The following SETD7 variants were observed in gnomAD, a reference collection of about 807,000 sequenced individuals.
SETD7 encodes the protein SET domain containing 7, histone lysine methyltransferase, also known as histone-lysine N-methyltransferase SETD7.
Under a neutral mutation model 41.8 loss-of-function variants are expected in SETD7, and 16 were observed. That is an observed-to-expected ratio of 0.38 (90% CI 0.26 to 0.58). The LOEUF is 0.58. Among genes scored for constraint, SETD7 ranks in the 20% least tolerant of loss-of-function variants. The pLI is 0.64. For synonymous variants in SETD7, 163 were observed against 169.7 expected, an observed-to-expected ratio of 0.96 and a Z score of 0.31; for missense variants, 346 against 459.7, an observed-to-expected ratio of 0.75 and a Z score of 2.26.
At chr4:139,542,611 A>G (rs1379314584) in intron 2 of SETD7, among the ~76,000 whole-genome samples, 3 of 152,054 alleles carry the variant, frequency 2.0e-5, no homozygotes, top group Non-Finnish European at 4.4e-5. Flanking sequence ...TTCTCTGCCA[A>G]TAGTAATTAC....
At chr4:139,496,333 C>A (rs1212451285) in exon 8 of SETD7, 1 of 700,326 alleles carries the variant, frequency 1.4e-6, no homozygotes, top group South Asian at 1.5e-5. Context: ...AGAGTTCATT[C>A]CATTCGCTTT....
rs1375691106 is a variant in SETD7 at position 139,510,412 on chromosome 4, G to C, written c.*1251C>G. ...TAATTAGCTAAACTAAAAAAACAGGGGTTTTCTCCTTATTTCTGCAGTTGT... is the reference window on the plus strand; with the variant it reads ...TAATTAGCTAAACTAAAAAAACAGGCGTTTTCTCCTTATTTCTGCAGTTGT... On this transcript the variant is annotated 3_prime_UTR_variant, in exon 8 of 8. Coordinates refer to ENST00000274031, the MANE Select transcript of SETD7 (RefSeq NM_030648.4). 6.6e-6 allele frequency: 1 copy of C among 152,114 alleles called. No homozygotes were observed. Among genetic ancestry groups the C allele is most frequent in the African/African-American group, 2.4e-5 (1 of 41,416 alleles). 9.4% of individuals were successfully genotyped at this position (152,114 alleles called of 1,614,324 possible).
At chr4:139,493,665 G>A (rs1174066747), downstream of SETD7, among the ~76,000 whole-genome samples, 6 of 151,410 alleles carry the variant, frequency 4.0e-5, no homozygotes, top group East Asian at 1.9e-4. Context: ...TCAGCCTCTC[G>A]AGTAGCTGGG....
chr4:139,530,671 C>T (rs1232688116), intron 3 of SETD7, among the ~76,000 whole-genome samples: 1 of 152,148 alleles, frequency 6.6e-6, no homozygotes, highest in Non-Finnish European at 1.5e-5. Flanking sequence ...AAACAGAAGT[C>T]TGTCTTTCCA....
Position 139,556,000 on chromosome 4 carries a change from G to T in SETD7, c.40+98C>A. The T allele has an allele frequency of 7.8e-7, 1 of 1,289,222 alleles. No homozygotes were observed. Among genetic ancestry groups the T allele is most frequent in the Non-Finnish European group, 1.0e-6 (1 of 957,142 alleles). 79.9% of individuals were successfully genotyped at this position (1,289,222 alleles called of 1,614,324 possible). ...GCCACCCGTGTAGGGGACAGTGGCGGCCGCGGGGCCCGGCGCCGCGCTGTT... is the reference window on the plus strand; with the variant it reads ...GCCACCCGTGTAGGGGACAGTGGCGTCCGCGGGGCCCGGCGCCGCGCTGTT... On this transcript the variant is annotated intron_variant, in intron 1 of 7. Transcript: ENST00000274031. This position sits in a 1 kb window ranked among gnomAD's most constrained non-coding sequence, Gnocchi z 4.0.
chr4:139,501,753 A>G (rs1157389313), downstream of SETD7, among the ~76,000 whole-genome samples: 1 of 152,234 alleles, frequency 6.6e-6, no homozygotes, highest in African/African-American at 2.4e-5. Context: ...GGGAGAGGCC[A>G]GCTAGATGCT....
chr4:139,520,637 A>G (rs1381105304), intron 5 of SETD7, among the ~76,000 whole-genome samples: 2 of 152,248 alleles, frequency 1.3e-5, no homozygotes, highest in African/African-American at 2.4e-5. Context: ...AATTATCATT[A>G]TATTTTCATA....
chr4:139,533,329 C>T lies in SETD7; in HGVS notation c.208G>A (p.Gly70Ser), dbSNP rs1483000525. The stretch of plus-strand genomic sequence containing the variant: ...TCTTCGTAAGTGTAAACTCCCTGGC[C>T]CTGCAAGGCATCATCCACATAATAC... ...EGYYVDDALQ[G>S]QGVYTYEDGG... The change falls in exon 3 of 8, where the codon GGC (glycine) becomes AGC (serine). Residue 70 changes from glycine (G) to serine (S), a missense_variant. Gly to Ser is a moderately conservative substitution (Grantham distance 56). Coordinates refer to ENST00000274031, the MANE Select transcript of SETD7 (RefSeq NM_030648.4). 1.2e-6 allele frequency: 2 copies of T among 1,613,958 alleles called. No homozygotes were observed. Among genetic ancestry groups the T allele is most frequent in the South Asian group, 1.1e-5 (1 of 91,068 alleles).
chr4:139,514,163 T>C (rs767427), intron 7 of SETD7, among the ~76,000 whole-genome samples: 28,423 of 152,058 alleles, frequency 0.19, 3,119 homozygotes, highest in African/African-American at 0.3. Context: ...GTGCACCTGT[T>C]GGTACCAGCT....
intron 6 of SETD7, among the ~76,000 whole-genome samples, chr4:139,520,068 A>G (rs1260546225): frequency 2.6e-5 from 4 of 152,196 alleles, no homozygotes; most frequent in Admixed American, 2.6e-4. Flanking sequence ...TATTGATGGC[A>G]TTACCCCACT....
chr4:139,519,024 C>T (rs1008204752), intron 6 of SETD7, among the ~76,000 whole-genome samples: 3 of 152,216 alleles, frequency 2.0e-5, no homozygotes, highest in Non-Finnish European at 4.4e-5. Flanking sequence ...AGTCCCTCAA[C>T]TGATGTTTAC....
chr4:139,528,321 A>G (rs1179809216), intron 4 of SETD7, among the ~76,000 whole-genome samples: 1 of 152,230 alleles, frequency 6.6e-6, no homozygotes, highest in Non-Finnish European at 1.5e-5. Context: ...AGATGCCAAT[A>G]TGCATTTATA....
At chr4:139,524,198 T>C (rs1275786671) in intron 4 of SETD7, among the ~76,000 whole-genome samples, 2 of 152,244 alleles carry the variant, frequency 1.3e-5, no homozygotes, top group African/African-American at 4.8e-5. Flanking sequence ...TAGTTACTAA[T>C]GGTTACTAGG....
Position 139,511,624 on chromosome 4 carries a change from G to A in SETD7, c.*39C>T, listed in dbSNP as rs746221882. ...AGATAAACGTAGTGCATAGATCCAA[G>A]TTTCTATTCCAGGTCTCTGAACCCC... On this transcript the variant is annotated 3_prime_UTR_variant, in exon 8 of 8. Coordinates refer to ENST00000274031, the MANE Select transcript of SETD7 (RefSeq NM_030648.4). 6.2e-7 allele frequency: 1 copy of A among 1,612,468 alleles called. No homozygotes were observed. The highest frequency in any genetic ancestry group is 8.5e-7 in the Non-Finnish European group (1 of 1,179,720).
rs1726764258 is a variant in SETD7 at position 139,508,259 on chromosome 4, A to G, written c.*3404T>C. 6.6e-6 allele frequency: 1 copy of G among 152,246 alleles called. No homozygotes were observed. The highest frequency in any genetic ancestry group is 2.4e-5 in the African/African-American group (1 of 41,462). The allele number at this position is 152,246 out of a possible 1,614,324, so 9.4% of individuals were successfully genotyped here. A position where few individuals can be genotyped will look rare whatever the true frequency, so the allele number is the denominator to read the frequency against. ...GAACCCCCATAGGGCAAATAGGTTT[A>G]ACTACAGTCCTAGACAGGTTCAAAG... On this transcript the variant is annotated 3_prime_UTR_variant, in exon 8 of 8. Transcript: ENST00000274031.
chr4:139,509,571 G>T lies in SETD7; in HGVS notation c.*2092C>A. The stretch of plus-strand genomic sequence containing the variant: ...CATAGCTGCATCGGGGGCATGACCA[G>T]CACTATCCTCTCCCTGACCGTATTC... On this transcript the variant is annotated 3_prime_UTR_variant, in exon 8 of 8. Transcript: ENST00000274031. 1 of 287,140 alleles carries T rather than the reference G, an allele frequency of 3.5e-6. No individual in the cohort carries two copies. Among genetic ancestry groups the T allele is most frequent in the Non-Finnish European group, 5.2e-6 (1 of 191,532 alleles). The allele number at this position is 287,140 out of a possible 1,614,324, so 17.8% of individuals were successfully genotyped here.
At chr4:139,539,341 T>C (rs1026734796) in intron 2 of SETD7, among the ~76,000 whole-genome samples, 1 of 152,198 alleles carries the variant, frequency 6.6e-6, no homozygotes, top group African/African-American at 2.4e-5. Flanking sequence ...TATATGACAA[T>C]ATATATTATC....
intron 2 of SETD7, among the ~76,000 whole-genome samples, chr4:139,543,833 G>A (rs994684238): frequency 2.0e-5 from 3 of 151,686 alleles, no homozygotes; most frequent in African/African-American, 4.8e-5. Context: ...GCGTGGTGGT[G>A]GGCGCCTGTA....
Position 139,507,939 on chromosome 4 carries a change from A to G in SETD7, c.*3724T>C, listed in dbSNP as rs1379738358. 2 of 152,368 alleles carry G rather than the reference A, an allele frequency of 1.3e-5. No homozygotes were observed. The highest frequency in any genetic ancestry group is 3.9e-4 in the East Asian group (2 of 5,190). The allele number at this position is 152,368 out of a possible 1,614,324, so 9.4% of individuals were successfully genotyped here. A position where few individuals can be genotyped will look rare whatever the true frequency, so the allele number is the denominator to read the frequency against. On this transcript the variant is annotated 3_prime_UTR_variant, in exon 8 of 8. Transcript: ENST00000274031. ...TCTGGATTCTAAGTCACTACTCTTA[A>G]GACAGAAGCTTGAGGCAACTGTTTT... is the stretch of plus-strand genomic sequence containing the variant.
Sources: allele counts gnomAD v4.1 joint callset (sites outside exome capture counted in the v4.1 genomes callset), GRCh38; gene constraint gnomAD v4.1.1; non-coding constraint Gnocchi (gnomAD v3.1); transcripts MANE v1.5; gene names NCBI Gene and HGNC (gene_info 2026-07-23, HGNC 2026-07-21).